BRINP1: variants seen among roughly 807,000 people sequenced by gnomAD.
The protein encoded by BRINP1 is BMP/retinoic acid inducible neural specific 1, also known as BMP/retinoic acid-inducible neural-specific protein 1.
In BRINP1, 17 loss-of-function variants were observed where a neutral mutation model predicts 72.9. The ratio of observed to expected loss-of-function variants is 0.23; its 90% confidence interval spans 0.16 to 0.35. The LOEUF is 0.35. BRINP1 is among the 10% of genes least tolerant of loss of function. The pLI is 1.00. For synonymous variants in BRINP1, 418 were observed against 378.5 expected (o/e 1.10, Z -1.21); for missense variants, 850 against 1,001.6 (o/e 0.85, Z 2.04).
intron 5 of BRINP1, among the ~76,000 whole-genome samples, chr9:119,218,302 T>C (rs1415290617): frequency 6.6e-6 from 1 of 150,932 alleles, no homozygotes; most frequent in East Asian, 2.0e-4. Flanking sequence ...CCTCCCGGGT[T>C]CAAGCGATTC....
chr9:119,240,211 G>T lies in BRINP1; in HGVS notation c.580-1451C>A, dbSNP rs562296592. On this transcript the variant is annotated intron_variant, in intron 4 of 7. Transcript: ENST00000265922. ...TTGAAACCGGGAACTGGAGGTTGCA[G>T]TGAGCCAAGATCATGCCATTGCACT... is the stretch of plus-strand genomic sequence containing the variant. 2.6e-5 allele frequency among the ~76,000 whole-genome samples: 4 copies of T among 152,308 alleles called. No homozygotes were observed. In the South Asian group the frequency reaches 8.3e-4, roughly 32 times the overall value.
chr9:119,297,666 G>T (rs1830894329), intron 2 of BRINP1, among the ~76,000 whole-genome samples: 1 of 152,096 alleles, frequency 6.6e-6, no homozygotes, highest in Admixed American at 6.5e-5. Context: ...GTTCTGAAAT[G>T]AACCCTAACA....
At chr9:119,277,054 A>C (rs1221162507) in intron 2 of BRINP1, among the ~76,000 whole-genome samples, 2 of 152,180 alleles carry the variant, frequency 1.3e-5, no homozygotes, top group Non-Finnish European at 2.9e-5. Flanking sequence ...CATATAAATG[A>C]AATCATAGAG....
In BRINP1 at chr9:119,167,588, G is replaced by A; in HGVS notation, c.1782C>T (p.Asn594=). 6.2e-7 allele frequency: 1 copy of A among 1,614,210 alleles called. No homozygotes were observed. The highest frequency in any genetic ancestry group is 8.5e-7 in the Non-Finnish European group (1 of 1,180,040). The part of the protein sequence containing the change: ...YPRWEKIRLQ[N]SQCYNWTLLL... ...AAAGAGTCCAGTTGTAGCACTGGCT[G>A]TTTTGGAGACGGATCTTCTCCCAGC... is the stretch of plus-strand genomic sequence containing the variant. The change falls in exon 8 of 8, where the codon AAC becomes AAT. Residue 594 remains asparagine, a synonymous_variant. Coordinates refer to ENST00000265922, the MANE Select transcript of BRINP1 (RefSeq NM_014618.3). The surrounding 1 kb of genome is among the most constrained non-coding windows in gnomAD (Gnocchi z 4.3).
At chr9:119,206,206 A>G (rs1829852046) in intron 7 of BRINP1, among the ~76,000 whole-genome samples, 1 of 152,034 alleles carries the variant, frequency 6.6e-6, no homozygotes, top group Non-Finnish European at 1.5e-5. Context: ...ACCTGACGCC[A>G]AGAGTTTGAG....
intron 7 of BRINP1, among the ~76,000 whole-genome samples, chr9:119,190,297 G>A (rs577145651): frequency 3.0e-4 from 45 of 149,830 alleles, no homozygotes; most frequent in South Asian, 2.3e-3. Flanking sequence ...AAATAATGAC[G>A]ATCAGAACAG....
At chr9:119,277,264 T>C (rs1293065493) in intron 2 of BRINP1, among the ~76,000 whole-genome samples, 1 of 152,208 alleles carries the variant, frequency 6.6e-6, no homozygotes, top group Non-Finnish European at 1.5e-5. Flanking sequence ...ATCCTTTTTA[T>C]CCACTCCTCC....
intron 4 of BRINP1, among the ~76,000 whole-genome samples, chr9:119,240,294 C>T (rs1830234348): frequency 6.6e-6 from 1 of 151,998 alleles, no homozygotes; most frequent in South Asian, 2.1e-4. Flanking sequence ...ACAACAAAAA[C>T]AGACCCAATA....
intron 2 of BRINP1, among the ~76,000 whole-genome samples, chr9:119,280,107 G>T (rs528811132): frequency 3.2e-4 from 48 of 152,256 alleles, no homozygotes; most frequent in African/African-American, 1.2e-3. Context: ...CTGGGACACA[G>T]ATACATGTTT....
At chr9:119,255,008 A>C (rs1272575017) in intron 2 of BRINP1, among the ~76,000 whole-genome samples, 1 of 152,270 alleles carries the variant, frequency 6.6e-6, no homozygotes, top group African/African-American at 2.4e-5. Flanking sequence ...GCAAACGATC[A>C]GGAAGGATTA....
At chr9:119,341,966 C>A (rs1192863015) in intron 1 of BRINP1, among the ~76,000 whole-genome samples, 4 of 152,056 alleles carry the variant, frequency 2.6e-5, no homozygotes, top group Non-Finnish European at 4.4e-5. Flanking sequence ...CGGGGTTTTG[C>A]CATGTTGGCC....
chr9:119,242,318 A>G (rs1830260100), intron 3 of BRINP1, 102 bp from the exon 4 acceptor site: 1 of 908,228 alleles, frequency 1.1e-6, no homozygotes, highest in Admixed American at 2.6e-5. Flanking sequence ...TCTCCAACCA[A>G]TGTGGCCCAT....
chr9:119,248,849 G>A, intron 3 of BRINP1, 111 bp downstream of exon 3: 1 of 952,834 alleles, frequency 1.0e-6, no homozygotes. Context: ...TTTGTGTGAT[G>A]TAGAATGGCA....
intron 2 of BRINP1, among the ~76,000 whole-genome samples, chr9:119,262,132 C>T (rs976014191): frequency 6.6e-6 from 1 of 152,146 alleles, no homozygotes; most frequent in Non-Finnish European, 1.5e-5. Context: ...AACTTAAGCT[C>T]AAAGATTCCG....
intron 5 of BRINP1, among the ~76,000 whole-genome samples, chr9:119,218,371 T>C (rs933074289): frequency 6.6e-6 from 1 of 151,922 alleles, no homozygotes. Flanking sequence ...TTTTGAGCTC[T>C]TGACCTCATG....
chr9:119,229,814 A>G (rs1256487145), intron 5 of BRINP1, among the ~76,000 whole-genome samples: 1 of 152,142 alleles, frequency 6.6e-6, no homozygotes, highest in Non-Finnish European at 1.5e-5. Flanking sequence ...AGAAGAAAAC[A>G]GAGTTCACTA....
At chr9:119,196,495 CA>C (rs1829739601) in intron 7 of BRINP1, among the ~76,000 whole-genome samples, 2 of 152,186 alleles carry the variant, frequency 1.3e-5, no homozygotes, top group African/African-American at 4.8e-5. Context: ...CCTCTGGCTT[CA>C]TATCACCTTA....
intron 2 of BRINP1, among the ~76,000 whole-genome samples, chr9:119,278,759 G>A (rs545994332): frequency 7.9e-5 from 12 of 152,110 alleles, no homozygotes; most frequent in East Asian, 5.8e-4. Context: ...GTGGTGGTGC[G>A]TGCCTGTAGT....
At chr9:119,287,649 T>C (rs999381180) in intron 2 of BRINP1, among the ~76,000 whole-genome samples, 7 of 152,176 alleles carry the variant, frequency 4.6e-5, no homozygotes, top group Non-Finnish European at 1.0e-4. Context: ...CAAGTGCAAA[T>C]GTAGCTACAA....
Sources: allele counts gnomAD v4.1 joint callset (sites outside exome capture counted in the v4.1 genomes callset), GRCh38; gene constraint gnomAD v4.1.1; non-coding constraint Gnocchi (gnomAD v3.1); transcripts MANE v1.5; gene names NCBI Gene and HGNC (gene_info 2026-07-23, HGNC 2026-07-21).